The following XRCC6 variants were observed in gnomAD, a reference collection of about 807,000 sequenced individuals.
XRCC6 encodes DNA repair protein Ku70.
A neutral mutation model predicts 65.7 loss-of-function variants in XRCC6; 5 were observed. The observed-to-expected ratio is 0.08, with a 90% CI of 0.04 to 0.16. The LOEUF is 0.16. XRCC6 is among the 10% of genes least tolerant of loss of function. The pLI is 1.00. For missense variants in XRCC6, 447 were observed against 738.1 expected (o/e 0.61, Z 4.57); for synonymous variants, 270 against 270.6 (o/e 1.00, Z 0.02).
chr22:41,647,721 G>A (rs759419213), intron 7 of XRCC6, among the ~76,000 whole-genome samples: 7 of 152,062 alleles, frequency 4.6e-5, no homozygotes, highest in African/African-American at 1.4e-4. Context: ...TGTGCCCAGC[G>A]TTTTTTTGTT....
At chr22:41,647,157 G>A (rs2067940637) in intron 7 of XRCC6, 75 bp downstream of exon 7, 1 of 1,509,096 alleles carries the variant, frequency 6.6e-7, no homozygotes, top group Non-Finnish European at 9.1e-7. Context: ...GGAGTGCAGT[G>A]GGGCGAACAT....
At chr22:41,656,812 C>A in intron 9 of XRCC6, 91 bp from the exon 10 acceptor site, 1 of 1,585,042 alleles carries the variant, frequency 6.3e-7, no homozygotes, top group South Asian at 1.1e-5. Flanking sequence ...GCCCCAGCAC[C>A]ACAGGACATA....
At chr22:41,646,368 G>T (rs2067932391) in intron 6 of XRCC6, among the ~76,000 whole-genome samples, 1 of 151,868 alleles carries the variant, frequency 6.6e-6, no homozygotes, top group African/African-American at 2.4e-5. Flanking sequence ...ATGATTAAAT[G>T]AGAGAATAGC....
chr22:41,630,248 C>T (rs1173702269), intron 3 of XRCC6, among the ~76,000 whole-genome samples: 1 of 151,708 alleles, frequency 6.6e-6, no homozygotes. Flanking sequence ...TTCCAAAGTG[C>T]TGGGATTGCA....
In XRCC6 at chr22:41,663,715, C is replaced by T; in HGVS notation, c.1730C>T (p.Thr577Ile). ...AGCAAGGGTACGCTGGGCAAGTTCA[C>T]TGTGCCCATGCTGAAAGAGGCCTGC... ...HISKGTLGKFTVPMLKEACRA... is the reference protein window; with the variant it reads ...HISKGTLGKFIVPMLKEACRA... Residue 577 changes from threonine (T) to isoleucine (I), a missense_variant, in exon 13 of 13, where the codon ACT (threonine) becomes ATT (isoleucine). Physicochemically the swap from Thr to Ile is moderately conservative, Grantham distance 89. Transcript: ENST00000360079. The T allele has an allele frequency of 6.2e-7, 1 of 1,614,004 alleles. No homozygotes were observed. The highest frequency in any genetic ancestry group is 8.5e-7 in the Non-Finnish European group (1 of 1,179,858).
chr22:41,644,364 G>C (rs1330185442), intron 6 of XRCC6, among the ~76,000 whole-genome samples: 1 of 152,156 alleles, frequency 6.6e-6, no homozygotes, highest in Non-Finnish European at 1.5e-5. Flanking sequence ...CTCTCCTAGA[G>C]AATGTTCTAT....
intron 6 of XRCC6, among the ~76,000 whole-genome samples, chr22:41,644,341 C>T (rs534141832): frequency 6.6e-5 from 10 of 152,054 alleles, no homozygotes; most frequent in Non-Finnish European, 1.5e-4. Flanking sequence ...TGTTTTGTGG[C>T]CCAACATATG....
chr22:41,663,360 TACCC>T (rs1247503615), intron 12 of XRCC6, among the ~76,000 whole-genome samples: 10 of 152,200 alleles, frequency 6.6e-5, no homozygotes, highest in Non-Finnish European at 1.2e-4. Flanking sequence ...AGGAATGACT[TACCC>T]AGAGTGAGCA....
chr22:41,648,012 CTCCGACT>C (rs2067952112), intron 7 of XRCC6: 1 of 108,460 alleles, frequency 9.2e-6, no homozygotes, highest in Admixed American at 1.1e-4. Flanking sequence ...TTTTTTCTCT[CTCCGACT>C]CCCTCCCCTC....
At chr22:41,647,137 C>A in intron 7 of XRCC6, 55 bp downstream of exon 7, 1 of 1,588,066 alleles carries the variant, frequency 6.3e-7, no homozygotes, top group South Asian at 1.1e-5. Flanking sequence ...CTCATTGTGT[C>A]GCCCAGGCTG....
chr22:41,637,710 T>A lies in XRCC6; in HGVS notation c.692T>A (p.Val231Asp), dbSNP rs2067824324. 3 of 1,613,698 alleles carry A rather than the reference T, an allele frequency of 1.9e-6. No individual in the cohort carries two copies. The highest frequency in any genetic ancestry group is 2.5e-6 in the Non-Finnish European group (3 of 1,179,960). The stretch of plus-strand genomic sequence containing the variant: ...ATAGCAGAGGATGAGGACCTCAGGG[T>A]TCACTTTGAGGAATCCAGCAAGCTA... ...ISIAEDEDLR[V>D]HFEESSKLED... is the part of the protein sequence containing the mutation. Residue 231 changes from valine to aspartate, a missense_variant, in exon 6 of 13, where the codon GTT becomes GAT. Around this residue, in one of 4 missense-constraint regions of XRCC6, gnomAD observed 228 missense variants for 307.4 expected, o/e 0.74. Transcript: ENST00000360079.
chr22:41,626,150 T>A (rs1601525995), intron 2 of XRCC6, among the ~76,000 whole-genome samples: 1 of 151,376 alleles, frequency 6.6e-6, no homozygotes, highest in South Asian at 2.1e-4. Flanking sequence ...TTATTTATTT[T>A]TATTTTTTTT....
intron 7 of XRCC6, among the ~76,000 whole-genome samples, chr22:41,649,139 A>AAATATATATATATATATATAT: frequency 1.1e-5 from 1 of 88,736 alleles, no homozygotes; most frequent in Non-Finnish European, 2.1e-5. Flanking sequence ...AAAAAAAAAA[A>AAATATATATATATATATATAT]ATATATATAT....
At chr22:41,642,766 A>G (rs1161450094) in intron 6 of XRCC6, among the ~76,000 whole-genome samples, 4 of 152,196 alleles carry the variant, frequency 2.6e-5, no homozygotes, top group Non-Finnish European at 4.4e-5. Context: ...GCAGTTTTGT[A>G]ATTGGTTGCA....
chr22:41,639,396 T>C (rs2067849867), intron 6 of XRCC6, among the ~76,000 whole-genome samples: 1 of 135,876 alleles, frequency 7.4e-6, no homozygotes, highest in African/African-American at 2.7e-5. Context: ...GAGTGCAGTA[T>C]GATCACAGCT....
At chr22:41,638,245 A>T (rs201283462) in intron 6 of XRCC6, among the ~76,000 whole-genome samples, 3 of 141,960 alleles carry the variant, frequency 2.1e-5, no homozygotes, top group Admixed American at 1.3e-4. Context: ...TAGTACAGTC[A>T]TGTGTTAATT....
intron 7 of XRCC6, among the ~76,000 whole-genome samples, chr22:41,650,466 T>C (rs2067984166): frequency 6.6e-6 from 1 of 152,132 alleles, no homozygotes; most frequent in South Asian, 2.1e-4. Context: ...TGGCTATTCA[T>C]AAGCACAGTC....
intron 6 of XRCC6, among the ~76,000 whole-genome samples, chr22:41,639,073 T>C (rs1234375698): frequency 2.0e-5 from 3 of 152,158 alleles, no homozygotes; most frequent in Non-Finnish European, 4.4e-5. Context: ...CAGACCATCA[T>C]TGTATGTGCG....
chr22:41,645,921 G>A lies in XRCC6; in HGVS notation c.774-975G>A, dbSNP rs183748472. 7.9e-3 allele frequency among the ~76,000 whole-genome samples: 1,202 copies of A among 151,668 alleles called. 6 individuals are homozygous for A. Among genetic ancestry groups the A allele is most frequent in the Non-Finnish European group, 0.011 (766 of 67,906 alleles). ...TCACCATGTTGGCCAAGCTGGTCTC[G>A]AGCTCCTGACCTAGGATTACAGGCC... On this transcript the variant is annotated intron_variant, in intron 6 of 12. Coordinates refer to ENST00000360079, the MANE Select transcript of XRCC6 (RefSeq NM_001469.5).
Sources: gnomAD v4.1 joint callset for allele counts (sites outside exome capture counted in the v4.1 genomes callset) on GRCh38, gnomAD v4.1.1 for gene constraint, gnomAD v4.1.1 regional missense constraint, MANE v1.5 for transcripts, NCBI Gene and HGNC (gene_info 2026-07-23, HGNC 2026-07-21) for gene names.